Variants in TCEA2 observed in about 807,000 individuals in gnomAD.
TCEA2 encodes the protein transcription elongation factor A2.
A neutral mutation model predicts 40.8 loss-of-function variants in TCEA2; 21 were observed. The observed-to-expected ratio is 0.51, with a 90% CI of 0.36 to 0.74. The LOEUF (loss-of-function observed/expected upper bound fraction) is 0.74, where lower values mean the gene tolerates loss of function less well. Ranked by LOEUF, TCEA2 falls within the 30% of genes least tolerant of loss-of-function variation. TCEA2 has a pLI of 0.00. For missense variants in TCEA2, 326 were observed against 426.5 expected, an observed-to-expected ratio of 0.76 and a Z score of 2.08; for synonymous variants, 165 against 162.7, an observed-to-expected ratio of 1.01 and a Z score of -0.11.
chr20:64,060,495 G>A (rs1327950028), upstream of TCEA2, among the ~76,000 whole-genome samples: 1 of 152,178 alleles, frequency 6.6e-6, no homozygotes, highest in Non-Finnish European at 1.5e-5. Flanking sequence ...TCCTTGGTCT[G>A]GCTGTCAGCC....
In TCEA2 at chr20:64,069,373, G is replaced by A. The variant is rs149424686; in HGVS notation, c.342G>A (p.Pro114=). ...SEAPDPSRKR[P]ELPRAPSTPR... is the part of the protein sequence containing the mutation. Reference sequence around the variant, plus strand: ...TGGCTCTCTGCAGCCGCAAGAGGCCGGAGCTGCCCAGGGCACCGTCGACTC... The same window carrying A: ...TGGCTCTCTGCAGCCGCAAGAGGCCAGAGCTGCCCAGGGCACCGTCGACTC... The change falls in exon 5 of 10, where the codon CCG becomes CCA. Residue 114 remains proline, a synonymous_variant. Coordinates refer to ENST00000343484, the MANE Select transcript of TCEA2 (RefSeq NM_003195.6). 153 of 1,592,800 alleles carry A rather than the reference G, an allele frequency of 9.6e-5. 1 individual carries two copies. In the African/African-American group the frequency reaches 1.1e-3, roughly 12 times the overall value.
upstream of TCEA2, among the ~76,000 whole-genome samples, chr20:64,060,326 A>G (rs975399752): frequency 1.3e-5 from 2 of 152,092 alleles, no homozygotes; most frequent in African/African-American, 4.8e-5. Flanking sequence ...GGAGAAGCCT[A>G]TGTGTCTGGC....
intron 1 of TCEA2, chr20:64,063,585 C>CA: frequency 1.6e-6 from 1 of 628,122 alleles, no homozygotes; most frequent in Non-Finnish European, 2.7e-6. Context: ...TTCACTCCCG[C>CA]AACCCCGGCA....
upstream of TCEA2, among the ~76,000 whole-genome samples, chr20:64,058,566 G>A (rs1433213121): frequency 6.6e-6 from 1 of 152,182 alleles, no homozygotes; most frequent in Non-Finnish European, 1.5e-5. The surrounding 1 kb of genome is among the most constrained non-coding windows in gnomAD (Gnocchi z 6.7). Context: ...AGCAAGGGCC[G>A]AGTCCCAGTT....
chr20:64,063,316 A>T lies in TCEA2; in HGVS notation c.4A>T (p.Met2Leu). The T allele has an allele frequency of 6.5e-7, 1 of 1,541,350 alleles. No individual in the cohort carries two copies. The highest frequency in any genetic ancestry group is 8.7e-7 in the Non-Finnish European group (1 of 1,144,202). M[M>L]GKEEEIARIA... ...GGGGGTCGCTGCTCCTGAGGCGATG[A>T]TGGGCAAGGAAGAGGAGATTGCGCG... The change falls in exon 1 of 10, where the codon ATG becomes TTG. Residue 2 changes from methionine to leucine, a missense_variant. Met to Leu is a conservative substitution (Grantham distance 15). Transcript: ENST00000343484.
chr20:64,063,206 GC>G lies in TCEA2; in HGVS notation c.-106del. 9.9e-7 allele frequency: 1 copy of G among 1,006,140 alleles called. No homozygotes were observed. The highest frequency in any genetic ancestry group is 1.3e-6 in the Non-Finnish European group (1 of 775,378). The allele number at this position is 1,006,140 out of a possible 1,614,324, so 62.3% of individuals were successfully genotyped here. Reference sequence around the variant, plus strand: ...CCGGGGGTCTGTCGTCCGCGGCGGGGCTGCGTCGGCTGCGGCGGGTGTGGGA... The same window carrying G: ...CCGGGGGTCTGTCGTCCGCGGCGGGGTGCGTCGGCTGCGGCGGGTGTGGGA... On this transcript the variant is annotated 5_prime_UTR_variant, in exon 1 of 10. Transcript: ENST00000343484.
upstream of TCEA2, among the ~76,000 whole-genome samples, chr20:64,060,246 T>TC (rs1043736002): frequency 1.3e-5 from 2 of 151,510 alleles, no homozygotes; most frequent in Non-Finnish European, 2.9e-5. Context: ...CTTGGAGGTC[T>TC]CCCCCCCACC....
chr20:64,064,124 G>A (rs1291493440), intron 1 of TCEA2: 1 of 152,260 alleles, frequency 6.6e-6, no homozygotes, highest in African/African-American at 2.4e-5. Context: ...CCCTTCTTTA[G>A]CCAGGACTTA....
chr20:64,069,553 T>A, intron 5 of TCEA2, 62 bp downstream of exon 5: 1 of 1,585,416 alleles, frequency 6.3e-7, no homozygotes, highest in Non-Finnish European at 8.6e-7. Flanking sequence ...CCCGGGCCCC[T>A]GCCTGCCCGC....
intron 6 of TCEA2, 126 bp downstream of exon 6, chr20:64,069,947 T>A (rs929309277): frequency 9.8e-6 from 12 of 1,226,926 alleles, no homozygotes; most frequent in Non-Finnish European, 1.4e-5. Context: ...GCCTGGGTGG[T>A]CACCTGCCTG....
At chr20:64,062,019 A>G (rs921600788), upstream of TCEA2, among the ~76,000 whole-genome samples, 2 of 152,252 alleles carry the variant, frequency 1.3e-5, no homozygotes. Context: ...ATGAGCCACT[A>G]TTGCCCGGCT....
chr20:64,056,531 G>A (rs918037243), upstream of TCEA2, among the ~76,000 whole-genome samples: 51 of 116,758 alleles, frequency 4.4e-4, 1 homozygote, highest in African/African-American at 1.7e-3. Flanking sequence ...GGGTGGCAGG[G>A]GGTGGGGGCT....
Position 64,070,386 on chromosome 20 carries a change from C to A in TCEA2, c.644C>A (p.Pro215His). The A allele has an allele frequency of 6.2e-7, 1 of 1,614,186 alleles. No individual in the cohort carries two copies. Among genetic ancestry groups the A allele is most frequent in the African/African-American group, 1.3e-5 (1 of 75,054 alleles). ...RRNVLCGAIT[P>H]QQIAVMTSEE... ...AATGTGCTGTGTGGGGCCATAACAC[C>A]CCAGCAGATCGCTGTGATGACCTCA... Residue 215 changes from proline to histidine, a missense_variant, in exon 7 of 10, where the codon CCC (proline) becomes CAC (histidine). Physicochemically the swap from Pro to His is moderately conservative, Grantham distance 77. Transcript: ENST00000343484.
chr20:64,071,594 C>A (rs1474064278), intron 8 of TCEA2, among the ~76,000 whole-genome samples: 1 of 152,226 alleles, frequency 6.6e-6, no homozygotes, highest in African/African-American at 2.4e-5. Context: ...TAGTTCCCCC[C>A]ACCATTGGGA....
At chr20:64,056,132 C>T (rs1021258692), upstream of TCEA2, among the ~76,000 whole-genome samples, 2 of 152,150 alleles carry the variant, frequency 1.3e-5, no homozygotes, top group Non-Finnish European at 2.9e-5. Context: ...CCTCCCCCAG[C>T]GTTGCTTCTG....
Position 64,072,160 on chromosome 20 carries a change from C to T in TCEA2, c.892-12C>T, listed in dbSNP as rs370548032. 10 of 1,613,616 alleles carry T rather than the reference C, an allele frequency of 6.2e-6. No homozygotes were observed. The African/African-American group carries it at 1.1e-4, about 17-fold the overall frequency. On this transcript the variant is annotated splice_polypyrimidine_tract_variant and intron_variant, in intron 9 of 9. Coordinates refer to ENST00000343484, the MANE Select transcript of TCEA2 (RefSeq NM_003195.6). ...GGCCACAAGGCTGGAGGCCTCACCCCCTTTCTCGCAGTTCTGCTGACCCCT... is the reference window on the plus strand; with the variant it reads ...GGCCACAAGGCTGGAGGCCTCACCCTCTTTCTCGCAGTTCTGCTGACCCCT...
At chr20:64,070,911 G>A (rs1357174473) in intron 8 of TCEA2, among the ~76,000 whole-genome samples, 1 of 152,208 alleles carries the variant, frequency 6.6e-6, no homozygotes, top group Admixed American at 6.5e-5. Context: ...CTGAACGGAG[G>A]GCCCTCGAGG....
chr20:64,067,904 C>A, intron 3 of TCEA2, 143 bp from the exon 4 acceptor site: 1 of 614,216 alleles, frequency 1.6e-6, no homozygotes, highest in Non-Finnish European at 2.7e-6. Flanking sequence ...GCCCCTGGCT[C>A]CCCTGGCTGG....
intron 3 of TCEA2, among the ~76,000 whole-genome samples, chr20:64,067,387 C>T (rs779505046): frequency 7.2e-5 from 11 of 152,034 alleles, no homozygotes; most frequent in South Asian, 2.1e-4. Flanking sequence ...TGGGAAGTGC[C>T]GGGAGAGGGG....
Sources: allele counts gnomAD v4.1 joint callset (sites outside exome capture counted in the v4.1 genomes callset), GRCh38; gene constraint gnomAD v4.1.1; non-coding constraint Gnocchi (gnomAD v3.1); transcripts MANE v1.5; gene names NCBI Gene and HGNC (gene_info 2026-07-23, HGNC 2026-07-21).